Variants in ASIC2 observed in about 807,000 individuals in gnomAD.
ASIC2 encodes the protein acid-sensing ion channel 2.
A neutral mutation model predicts 57.3 loss-of-function variants in ASIC2; 25 were observed. That is an observed-to-expected ratio of 0.44 (90% CI 0.32 to 0.61). The LOEUF is 0.61. Ranked by LOEUF, ASIC2 falls within the 20% of genes least tolerant of loss-of-function variation. ASIC2 has a pLI of 0.06. For missense variants in ASIC2, 641 were observed against 738.1 expected (o/e 0.87, Z 1.52); for synonymous variants, 319 against 307.5 (o/e 1.04, Z -0.39).
intron 1 of ASIC2, among the ~76,000 whole-genome samples, chr17:33,674,402 T>C (rs1056245861): frequency 3.3e-5 from 5 of 152,224 alleles, no homozygotes; most frequent in Non-Finnish European, 5.9e-5. Context: ...TTGTTGTTTG[T>C]TTACATGACA....
chr17:33,572,887 C>T (rs528491410), intron 1 of ASIC2, among the ~76,000 whole-genome samples: 5 of 152,372 alleles, frequency 3.3e-5, no homozygotes, highest in African/African-American at 1.2e-4. Flanking sequence ...TCTCTGCCCT[C>T]CTCCTGCCTT....
At chr17:33,452,791 A>G (rs1912306729) in intron 1 of ASIC2, among the ~76,000 whole-genome samples, 1 of 138,726 alleles carries the variant, frequency 7.2e-6, no homozygotes, top group Admixed American at 7.0e-5. Context: ...GCCTTTAAAA[A>G]GCAAGGAAGA....
chr17:33,650,946 T>A (rs1365108447), intron 1 of ASIC2, among the ~76,000 whole-genome samples: 1 of 152,170 alleles, frequency 6.6e-6, no homozygotes, highest in Non-Finnish European at 1.5e-5. Context: ...TGTGATATTG[T>A]ACTATAGTTT....
Position 33,769,820 on chromosome 17 carries a change from G to T in ASIC2, c.555+386158C>A, listed in dbSNP as rs137983920. On this transcript the variant is annotated intron_variant, in intron 1 of 9. Coordinates refer to the ASIC2 transcript ENST00000359872. ...CGTGTCTAGTGAGGCTCACTTCCTT[G>T]TGTGCGGATGGCCATCTTCTCACTG... is the stretch of plus-strand genomic sequence containing the variant. Among the ~76,000 whole-genome samples the T allele has an allele frequency of 4.3e-4, 66 of 152,326 alleles. 1 individual carries two copies. The highest frequency in any genetic ancestry group is 1.4e-3 in the African/African-American group (58 of 41,576).
chr17:33,437,022 C>T (rs914744754), intron 1 of ASIC2, among the ~76,000 whole-genome samples: 7 of 150,764 alleles, frequency 4.6e-5, no homozygotes, highest in Non-Finnish European at 7.4e-5. Context: ...CCCGCTACCA[C>T]GCCCGGCTAA....
chr17:33,621,578 C>T (rs1309886365), intron 1 of ASIC2, among the ~76,000 whole-genome samples: 4 of 152,178 alleles, frequency 2.6e-5, no homozygotes, highest in East Asian at 1.9e-4. Flanking sequence ...GACAAGGAAG[C>T]GTAAGCTTAG....
intron 1 of ASIC2, among the ~76,000 whole-genome samples, chr17:33,340,012 G>A (rs775911910): frequency 4.6e-5 from 7 of 152,162 alleles, no homozygotes; most frequent in Non-Finnish European, 7.3e-5. Context: ...ACTCAGAGTT[G>A]CATTCTAAGT....
chr17:33,672,469 C>G (rs78466405), intron 1 of ASIC2, among the ~76,000 whole-genome samples: 1 of 152,078 alleles, frequency 6.6e-6, no homozygotes, highest in East Asian at 1.9e-4. Flanking sequence ...ATACATCACC[C>G]AAACATGTCT....
intron 1 of ASIC2, among the ~76,000 whole-genome samples, chr17:33,528,834 C>A (rs1203568551): frequency 6.6e-6 from 1 of 152,198 alleles, no homozygotes; most frequent in African/African-American, 2.4e-5. Context: ...ATACCAGCAA[C>A]TCGTCACGAA....
At chr17:33,922,251 T>A (rs1440303933) in intron 1 of ASIC2, among the ~76,000 whole-genome samples, 1 of 152,156 alleles carries the variant, frequency 6.6e-6, no homozygotes. Flanking sequence ...CTCTGTCCCA[T>A]CATTTTCTCA....
chr17:33,930,754 A>G (rs1308789255), intron 1 of ASIC2, among the ~76,000 whole-genome samples: 1 of 152,216 alleles, frequency 6.6e-6, no homozygotes, highest in Non-Finnish European at 1.5e-5. Flanking sequence ...CTGGGGGTAC[A>G]GGAGCCATGT....
intron 1 of ASIC2, among the ~76,000 whole-genome samples, chr17:34,034,655 T>C (rs1907782857): frequency 6.6e-6 from 1 of 152,178 alleles, no homozygotes; most frequent in Non-Finnish European, 1.5e-5. Context: ...ATAAGCAACT[T>C]CAGCAAAGTC....
intron 1 of ASIC2, among the ~76,000 whole-genome samples, chr17:33,813,029 A>C (rs534497526): frequency 8.6e-4 from 131 of 152,298 alleles, no homozygotes; most frequent in African/African-American, 3.0e-3. Context: ...TGCCAGGGCC[A>C]GTTCCATCCT....
intron 1 of ASIC2, among the ~76,000 whole-genome samples, chr17:33,966,492 G>T (rs974409358): frequency 6.6e-6 from 1 of 152,056 alleles, no homozygotes; most frequent in Non-Finnish European, 1.5e-5. Flanking sequence ...TATCCGAACC[G>T]CCATAAAAAC....
intron 1 of ASIC2, among the ~76,000 whole-genome samples, chr17:33,690,370 A>G (rs2142063231): frequency 6.6e-6 from 1 of 152,312 alleles, no homozygotes; most frequent in African/African-American, 2.4e-5. Flanking sequence ...GACATTTCTC[A>G]GCTGATGCCT....
At chr17:33,804,132 GT>G (rs1367926554) in intron 1 of ASIC2, among the ~76,000 whole-genome samples, 1 of 152,094 alleles carries the variant, frequency 6.6e-6, no homozygotes, top group Non-Finnish European at 1.5e-5. Flanking sequence ...TTATGTCCTG[GT>G]TTCCCCTAAG....
chr17:33,257,215 T>C (rs1909114132), intron 1 of ASIC2, among the ~76,000 whole-genome samples: 1 of 152,228 alleles, frequency 6.6e-6, no homozygotes, highest in South Asian at 2.1e-4. Flanking sequence ...CAGCCAGGTA[T>C]GGGCTGCCTT....
intron 1 of ASIC2, among the ~76,000 whole-genome samples, chr17:33,159,758 T>C (rs1905109056): frequency 6.6e-6 from 1 of 152,234 alleles, no homozygotes; most frequent in Non-Finnish European, 1.5e-5. Context: ...GTCAGACTAC[T>C]ATATTGAACT....
chr17:34,050,290 ATTT>A (rs1254920487), intron 1 of ASIC2, among the ~76,000 whole-genome samples: 2 of 152,136 alleles, frequency 1.3e-5, no homozygotes, highest in Non-Finnish European at 2.9e-5. Context: ...AAACGGAGCT[ATTT>A]TTTACAACTT....
Sources: allele counts gnomAD v4.1 joint callset (sites outside exome capture counted in the v4.1 genomes callset), GRCh38; gene constraint gnomAD v4.1.1; transcripts MANE v1.5; gene names NCBI Gene and HGNC (gene_info 2026-07-23, HGNC 2026-07-21).